The following PRKCE variants were observed in gnomAD, a reference collection of about 807,000 sequenced individuals.
PRKCE encodes the protein protein kinase C epsilon.
PRKCE carries 16 observed loss-of-function variants against 85.4 expected under a neutral mutation model. The ratio of observed to expected loss-of-function variants is 0.19; its 90% CI spans 0.13 to 0.28. The LOEUF is 0.28. PRKCE is among the 10% of genes least tolerant of loss of function. The probability of loss-of-function intolerance (pLI) is 1.00; values close to 1 mark genes in which losing one functional copy is unlikely to be tolerated. For synonymous variants in PRKCE, 388 were observed against 371.5 expected (o/e 1.04, Z -0.51); for missense variants, 573 against 975.2 (o/e 0.59, Z 5.49).
chr2:45,784,307 C>T (rs1447078981), intron 1 of PRKCE, among the ~76,000 whole-genome samples: 4 of 152,240 alleles, frequency 2.6e-5, no homozygotes, highest in African/African-American at 9.6e-5. Flanking sequence ...GACAAGGCCC[C>T]TGTAGGCGTG....
intron 2 of PRKCE, among the ~76,000 whole-genome samples, chr2:45,973,918 T>A (rs1413329716): frequency 1.3e-5 from 2 of 152,292 alleles, no homozygotes; most frequent in African/African-American, 2.4e-5. Context: ...ATTTGAGAGA[T>A]TTGTAAATCA....
chr2:46,091,866 G>A (rs1670201749), intron 11 of PRKCE, among the ~76,000 whole-genome samples: 1 of 152,176 alleles, frequency 6.6e-6, no homozygotes. Flanking sequence ...TTAGAGAAAT[G>A]AATTATTTCT....
intron 12 of PRKCE, 69 bp from the exon 13 acceptor site, chr2:46,150,972 G>T: frequency 7.0e-7 from 1 of 1,434,732 alleles, no homozygotes; most frequent in Non-Finnish European, 9.4e-7. Context: ...TCCCATGGGC[G>T]TTCGTAGCAC....
At chr2:46,017,967 A>G (rs1706307511) in intron 10 of PRKCE, among the ~76,000 whole-genome samples, 1 of 152,326 alleles carries the variant, frequency 6.6e-6, no homozygotes, top group Admixed American at 6.5e-5. Flanking sequence ...CACTTCAAAT[A>G]GCCTCACCTC....
chr2:45,925,247 A>G (rs940200460), intron 2 of PRKCE, among the ~76,000 whole-genome samples: 5 of 152,046 alleles, frequency 3.3e-5, no homozygotes, highest in Non-Finnish European at 5.9e-5. Context: ...GGACAAGCAT[A>G]TTATCCTGAT....
chr2:46,082,148 G>A (rs758019468), intron 10 of PRKCE, among the ~76,000 whole-genome samples: 45 of 152,216 alleles, frequency 3.0e-4, no homozygotes, highest in East Asian at 1.7e-3. Flanking sequence ...GCAGATTTCT[G>A]TTTCGGCAAG....
intron 1 of PRKCE, among the ~76,000 whole-genome samples, chr2:45,734,094 C>T (rs191153797): frequency 1.8e-4 from 28 of 152,274 alleles, no homozygotes; most frequent in East Asian, 1.4e-3. Flanking sequence ...GGGCTGGGTG[C>T]GGTGGCTCAC....
intron 1 of PRKCE, among the ~76,000 whole-genome samples, chr2:45,836,322 T>C (rs1690872892): frequency 6.6e-6 from 1 of 152,188 alleles, no homozygotes; most frequent in Non-Finnish European, 1.5e-5. Flanking sequence ...CAGAATAGAA[T>C]CTTGAACATA....
chr2:46,095,791 T>C (rs963334065), intron 11 of PRKCE, among the ~76,000 whole-genome samples: 5 of 152,248 alleles, frequency 3.3e-5, no homozygotes, highest in African/African-American at 4.8e-5. Context: ...AGTAAAATAG[T>C]GGTGAATATT....
chr2:45,889,988 G>T (rs1217338563), intron 2 of PRKCE, among the ~76,000 whole-genome samples: 1 of 152,202 alleles, frequency 6.6e-6, no homozygotes, highest in Non-Finnish European at 1.5e-5. Context: ...AAGCACTCTA[G>T]TAAATGGAGG....
At chr2:45,904,354 G>T (rs1205524198) in intron 2 of PRKCE, among the ~76,000 whole-genome samples, 3 of 152,094 alleles carry the variant, frequency 2.0e-5, no homozygotes, top group African/African-American at 7.2e-5. Flanking sequence ...ACACTATGGG[G>T]GTGGCACGTG....
chr2:45,957,373 A>G (rs368364430), intron 2 of PRKCE, among the ~76,000 whole-genome samples: 4 of 152,310 alleles, frequency 2.6e-5, no homozygotes, highest in African/African-American at 9.6e-5. Context: ...AAAGACTGCC[A>G]TTTCTCCATT....
At chr2:45,718,076 AC>A (rs1452039148) in intron 1 of PRKCE, among the ~76,000 whole-genome samples, 1 of 152,142 alleles carries the variant, frequency 6.6e-6, no homozygotes. Flanking sequence ...GGTTTATAGC[AC>A]TCAGCACTAT....
chr2:45,749,222 C>A (rs374804219), intron 1 of PRKCE, among the ~76,000 whole-genome samples: 1 of 152,212 alleles, frequency 6.6e-6, no homozygotes, highest in African/African-American at 2.4e-5. Flanking sequence ...CTTGAACCAT[C>A]TTCCCTGATC....
intron 2 of PRKCE, among the ~76,000 whole-genome samples, chr2:45,898,557 C>A (rs976825616): frequency 1.3e-5 from 2 of 152,196 alleles, no homozygotes; most frequent in African/African-American, 2.4e-5. Flanking sequence ...AGTCAGATGT[C>A]CCCTGGGCTT....
intron 1 of PRKCE, among the ~76,000 whole-genome samples, chr2:45,832,733 A>G (rs1476711459): frequency 6.6e-6 from 1 of 152,154 alleles, no homozygotes; most frequent in African/African-American, 2.4e-5. Flanking sequence ...CAAGGTACCT[A>G]TTGGAAGCAT....
chr2:46,184,069 A>C lies in PRKCE; in HGVS notation c.2068-666A>C, dbSNP rs1309795856. ...AGTTTACTTATTTCATTCAGTAGAC[A>C]CTTATTGCTGGGGAACTGCTGGGAA... On this transcript the variant is annotated intron_variant, in intron 14 of 14. Coordinates refer to ENST00000306156, the MANE Select transcript of PRKCE (RefSeq NM_005400.3). This position sits in a 1 kb window ranked among gnomAD's most constrained non-coding sequence, Gnocchi z 5.0. Among the ~76,000 whole-genome samples the C allele has an allele frequency of 6.6e-6, 1 of 152,170 alleles. No homozygotes were observed. Among genetic ancestry groups the C allele is most frequent in the African/African-American group, 2.4e-5 (1 of 41,436 alleles).
At position 45,866,287 on chromosome 2, in the gene PRKCE, T is replaced by TTTAA. The variant is rs982519655; in HGVS notation, c.412+23239_412+23242dup. Among the ~76,000 whole-genome samples, 454 of 152,240 alleles carry TTTAA rather than the reference T, an allele frequency of 3.0e-3. 3 individuals carry two copies. Among genetic ancestry groups the TTTAA allele is most frequent in the Admixed American group, 7.0e-3 (107 of 15,298 alleles). On this transcript the variant is annotated intron_variant, in intron 2 of 14. Coordinates refer to ENST00000306156, the MANE Select transcript of PRKCE (RefSeq NM_005400.3). ...ATGTCTGGGATTTTCTTTTTATTTA[T>TTTAA]TTAATTAATTAATTAATTGATTTTT...
intron 11 of PRKCE, among the ~76,000 whole-genome samples, chr2:46,144,827 G>C (rs1159042186): frequency 6.6e-6 from 1 of 152,138 alleles, no homozygotes; most frequent in East Asian, 1.9e-4. Context: ...TATACCTACT[G>C]ACTTAGCTCT....
Sources: allele counts gnomAD v4.1 joint callset (sites outside exome capture counted in the v4.1 genomes callset), GRCh38; gene constraint gnomAD v4.1.1; non-coding constraint Gnocchi (gnomAD v3.1); transcripts MANE v1.5; gene names NCBI Gene and HGNC (gene_info 2026-07-23, HGNC 2026-07-21).